NCKAP5: variants seen among roughly 807,000 people sequenced by gnomAD.
NCKAP5 encodes nck-associated protein 5.
A neutral mutation model predicts 167.0 loss-of-function variants in NCKAP5; 92 were observed. The observed-to-expected ratio is 0.55, with a 90% confidence interval of 0.47 to 0.66. NCKAP5 has a LOEUF of 0.66. NCKAP5 is among the 30% of genes least tolerant of loss of function. The pLI is 0.00. For synonymous variants in NCKAP5, 891 were observed against 877.4 expected (o/e 1.02, Z -0.27); for missense variants, 2,378 against 2,315.0 (o/e 1.03, Z -0.56).
chr2:133,539,890 T>C (rs575719364), intron 2 of NCKAP5, among the ~76,000 whole-genome samples: 8 of 152,148 alleles, frequency 5.3e-5, no homozygotes, highest in African/African-American at 1.9e-4. Context: ...ATGTGAAAAA[T>C]ACTATACAGG....
intron 4 of NCKAP5, among the ~76,000 whole-genome samples, chr2:133,217,210 A>C (rs1312642566): frequency 6.6e-6 from 1 of 152,126 alleles, no homozygotes; most frequent in Non-Finnish European, 1.5e-5. Flanking sequence ...TTTAAATTTA[A>C]AAGTTTCTCT....
At chr2:132,675,919 T>C (rs992271802) in intron 19 of NCKAP5, among the ~76,000 whole-genome samples, 3 of 151,786 alleles carry the variant, frequency 2.0e-5, no homozygotes, top group Non-Finnish European at 4.4e-5. Context: ...GAAAAGTGAC[T>C]GCAGACATAT....
chr2:133,470,430 C>T (rs903969392), intron 3 of NCKAP5, among the ~76,000 whole-genome samples: 4 of 152,186 alleles, frequency 2.6e-5, no homozygotes, highest in African/African-American at 9.7e-5. Flanking sequence ...CAGACAGGGA[C>T]ATTTAAGTCT....
chr2:132,749,794 C>A (rs1489128732), intron 16 of NCKAP5, among the ~76,000 whole-genome samples: 1 of 152,042 alleles, frequency 6.6e-6, no homozygotes, highest in Non-Finnish European at 1.5e-5. Flanking sequence ...AGTGTTTCAA[C>A]TAGAGTTCTG....
intron 5 of NCKAP5, among the ~76,000 whole-genome samples, chr2:133,132,408 T>C (rs1222360334): frequency 6.6e-6 from 1 of 150,922 alleles, no homozygotes; most frequent in African/African-American, 2.4e-5. Flanking sequence ...AACATGATCA[T>C]GAGAGAACCT....
intron 4 of NCKAP5, among the ~76,000 whole-genome samples, chr2:133,265,380 C>T (rs2089143141): frequency 1.3e-5 from 2 of 152,072 alleles, no homozygotes; most frequent in Admixed American, 6.5e-5. Flanking sequence ...AGCCCTTTTT[C>T]TCTAAGGGGT....
chr2:133,094,131 G>A (rs762730431), intron 6 of NCKAP5, among the ~76,000 whole-genome samples: 1 of 152,192 alleles, frequency 6.6e-6, no homozygotes, highest in Non-Finnish European at 1.5e-5. Flanking sequence ...TATTGTAACT[G>A]TGTGGCTCTA....
intron 9 of NCKAP5, among the ~76,000 whole-genome samples, chr2:132,877,346 A>T (rs1219086180): frequency 6.6e-6 from 1 of 152,238 alleles, no homozygotes; most frequent in African/African-American, 2.4e-5. Flanking sequence ...AACATATCTA[A>T]TATTAAACAA....
In NCKAP5 at chr2:133,418,010, C is replaced by G. The variant is rs141049968; in HGVS notation, c.69+99448G>C. Among the ~76,000 whole-genome samples, 484 of 152,288 alleles carry G rather than the reference C, an allele frequency of 3.2e-3. 2 individuals are homozygous for G. The highest frequency in any genetic ancestry group is 0.011 in the African/African-American group (470 of 41,548). ...AACTTTAAAGCTGTGATTTTTCAGT[C>G]AAGAGGTTTGAAGGCAAACTTGCTC... On this transcript the variant is annotated intron_variant, in intron 3 of 19. Coordinates refer to ENST00000409261, the MANE Select transcript of NCKAP5 (RefSeq NM_207363.3).
intron 6 of NCKAP5, among the ~76,000 whole-genome samples, chr2:133,076,911 G>A (rs1432362887): frequency 2.0e-5 from 3 of 152,108 alleles, no homozygotes; most frequent in Non-Finnish European, 4.4e-5. Flanking sequence ...GAGGAGTCTG[G>A]GAAACGTGGT....
intron 3 of NCKAP5, among the ~76,000 whole-genome samples, chr2:133,456,921 C>T (rs191864889): frequency 1.8e-4 from 28 of 152,250 alleles, no homozygotes; most frequent in Non-Finnish European, 2.8e-4. Flanking sequence ...CTGTCGGACA[C>T]GTCATAGGTG....
At chr2:132,682,600 G>A (rs988769429) in intron 19 of NCKAP5, among the ~76,000 whole-genome samples, 13 of 152,278 alleles carry the variant, frequency 8.5e-5, no homozygotes, top group African/African-American at 3.1e-4. Flanking sequence ...TGTTGAGTTA[G>A]AATCATCTAC....
chr2:133,272,467 CAATGTCCTAAAATAAACTTTTAATAAAA>C (rs2089556849), intron 4 of NCKAP5, among the ~76,000 whole-genome samples: 1 of 152,006 alleles, frequency 6.6e-6, no homozygotes, highest in Non-Finnish European at 1.5e-5. Flanking sequence ...ATAAAGTGAT[CAATGTCCTAAAATAAACTTTTAATAAAA>C]TTCAATAATC....
intron 9 of NCKAP5, among the ~76,000 whole-genome samples, 180 bp from the exon 10 acceptor site, chr2:132,869,154 T>C (rs943599096): frequency 6.6e-6 from 1 of 152,204 alleles, no homozygotes; most frequent in African/African-American, 2.4e-5. Flanking sequence ...AGGTAATATT[T>C]TGCTTTCTCC....
chr2:133,383,874 T>C (rs1281816703), intron 3 of NCKAP5, among the ~76,000 whole-genome samples: 1 of 152,242 alleles, frequency 6.6e-6, no homozygotes, highest in East Asian at 1.9e-4. Flanking sequence ...TTTTGAGAAG[T>C]GTCTGTTCAT....
At chr2:133,115,436 A>C (rs1037799028) in intron 6 of NCKAP5, among the ~76,000 whole-genome samples, 2 of 151,690 alleles carry the variant, frequency 1.3e-5, no homozygotes, top group African/African-American at 2.4e-5. Flanking sequence ...ATGATTGTTC[A>C]CTCTGTAGAT....
intron 6 of NCKAP5, among the ~76,000 whole-genome samples, chr2:133,112,473 TAA>T (rs11333696): frequency 8.9e-5 from 13 of 145,794 alleles, no homozygotes; most frequent in South Asian, 4.3e-4. Flanking sequence ...GACTCCGTCT[TAA>T]AAAAAAAAAA....
intron 16 of NCKAP5, among the ~76,000 whole-genome samples, chr2:132,751,633 G>A (rs1367452415): frequency 6.6e-6 from 1 of 152,072 alleles, no homozygotes; most frequent in Non-Finnish European, 1.5e-5. Context: ...CATCATCCTG[G>A]GACACTTCAT....
chr2:133,350,413 TA>T (rs1206255960), intron 3 of NCKAP5, among the ~76,000 whole-genome samples: 1 of 151,972 alleles, frequency 6.6e-6, no homozygotes, highest in Non-Finnish European at 1.5e-5. Flanking sequence ...ACCCTGTCTC[TA>T]AAAAAGAAAT....
Sources: allele counts gnomAD v4.1 joint callset (sites outside exome capture counted in the v4.1 genomes callset), GRCh38; gene constraint gnomAD v4.1.1; transcripts MANE v1.5; gene names NCBI Gene and HGNC (gene_info 2026-07-23, HGNC 2026-07-21).